CALB1: variants seen among roughly 807,000 people sequenced by gnomAD.
CALB1 encodes calbindin.
In CALB1, 16 loss-of-function variants were observed where a neutral mutation model predicts 46.7. That is an observed-to-expected ratio of 0.34 (90% confidence interval 0.23 to 0.52). The LOEUF is 0.52. CALB1 is among the 20% of genes least tolerant of loss of function. CALB1 has a pLI of 0.95. For missense variants in CALB1, 224 were observed against 300.3 expected (o/e 0.75, Z 1.88); for synonymous variants, 90 against 112.8 (o/e 0.80, Z 1.28).
chr8:90,081,876 T>C, intron 2 of CALB1, 150 bp downstream of exon 2: 1 of 629,700 alleles, frequency 1.6e-6, no homozygotes. Flanking sequence ...GTATTCGAGT[T>C]GGAAAAGTGT....
rs1287298662 is a variant in CALB1, at chr8:90,059,336, A to G, written c.*837T>C. 1 of 152,644 alleles carries G rather than the reference A, an allele frequency of 6.6e-6. No individual in the cohort carries two copies. The highest frequency in any genetic ancestry group is 1.9e-4 in the East Asian group (1 of 5,202). 9.5% of individuals were successfully genotyped at this position (152,644 alleles called of 1,614,324 possible). On this transcript the variant is annotated 3_prime_UTR_variant, in exon 11 of 11. Transcript: ENST00000265431. ...TTGGTGGAAATGAACAGTTCTACAT[A>G]GAAAGAAAATCCAGGAAGTATGCAA...
intron 3 of CALB1, among the ~76,000 whole-genome samples, chr8:90,073,349 C>G (rs1814567371): frequency 6.6e-6 from 1 of 152,112 alleles, no homozygotes; most frequent in Non-Finnish European, 1.5e-5. Flanking sequence ...GGGCTGAAGA[C>G]AGCTGTGTCC....
At chr8:90,081,219 C>A (rs933028699) in intron 2 of CALB1, among the ~76,000 whole-genome samples, 1 of 152,116 alleles carries the variant, frequency 6.6e-6, no homozygotes, top group Non-Finnish European at 1.5e-5. Context: ...GCTTAAATAA[C>A]GAACATAGCC....
intron 3 of CALB1, among the ~76,000 whole-genome samples, chr8:90,071,880 C>T (rs1224994369): frequency 6.6e-6 from 1 of 152,144 alleles, no homozygotes; most frequent in Non-Finnish European, 1.5e-5. Flanking sequence ...TTTTGCGTGA[C>T]CTTCCTCTAG....
chr8:90,077,584 A>C (rs1036752450), intron 3 of CALB1, among the ~76,000 whole-genome samples: 12 of 152,084 alleles, frequency 7.9e-5, no homozygotes, highest in African/African-American at 2.9e-4. Context: ...TGCTGAGATA[A>C]AGAAAGAGGC....
intron 2 of CALB1, among the ~76,000 whole-genome samples, chr8:90,080,258 C>A (rs913826534): frequency 6.6e-6 from 1 of 151,712 alleles, no homozygotes; most frequent in East Asian, 1.9e-4. Flanking sequence ...AATTCTAAAT[C>A]TCCAACATGA....
chr8:90,078,338 T>G, intron 3 of CALB1, 35 bp downstream of exon 3: 1 of 1,331,646 alleles, frequency 7.5e-7, no homozygotes, highest in Non-Finnish European at 1.1e-6. Flanking sequence ...ACTCATTTAT[T>G]AAAATTAAAT....
intron 6 of CALB1, chr8:90,064,165 A>G (rs984336276): frequency 4.6e-5 from 7 of 151,800 alleles, no homozygotes; most frequent in Admixed American, 2.0e-4. Context: ...AAAAATTAAC[A>G]TTATTTTTGT....
rs1034427033 is a variant in CALB1, at chr8:90,060,083, A to G, written c.*90T>C. ...TATCTATATGCAGTTAAATTTACAGATATAAAAGAAAATACAGCCTACTCC... is the reference window on the plus strand; with the variant it reads ...TATCTATATGCAGTTAAATTTACAGGTATAAAAGAAAATACAGCCTACTCC... On this transcript the variant is annotated 3_prime_UTR_variant, in exon 11 of 11. Transcript: ENST00000265431. 2 of 763,908 alleles carry G rather than the reference A, an allele frequency of 2.6e-6. No homozygotes were observed. The highest frequency in any genetic ancestry group is 1.9e-5 in the Admixed American group (1 of 52,278). The allele number at this position is 763,908 out of a possible 1,614,324, so 47.3% of individuals were successfully genotyped here. A position where few individuals can be genotyped will look rare whatever the true frequency, so the allele number is the denominator to read the frequency against.
At chr8:90,060,383 T>G (rs1736008943) in intron 10 of CALB1, 97 bp from the exon 11 acceptor site, 1 of 794,836 alleles carries the variant, frequency 1.3e-6, no homozygotes. Flanking sequence ...ACTTGTTACA[T>G]CAATCCATTA....
intron 9 of CALB1, 30 bp downstream of exon 9, chr8:90,063,067 TAAA>T: frequency 1.3e-6 from 2 of 1,528,624 alleles, no homozygotes; most frequent in Non-Finnish European, 1.8e-6. Context: ...CTTACTTCAA[TAAA>T]AAAGAAAGGA....
chr8:90,078,729 T>C (rs1191922773), intron 2 of CALB1, among the ~76,000 whole-genome samples: 1 of 152,048 alleles, frequency 6.6e-6, no homozygotes. Flanking sequence ...GTCAGAATCA[T>C]TCCATTCATA....
At chr8:90,079,668 AT>A (rs929400262) in intron 2 of CALB1, among the ~76,000 whole-genome samples, 1 of 152,002 alleles carries the variant, frequency 6.6e-6, no homozygotes, top group African/African-American at 2.4e-5. Context: ...GTCAAAATCT[AT>A]TTTTTAAACA....
In CALB1 at chr8:90,069,087, C is replaced by T. The variant is rs143235132; in HGVS notation, c.316-33G>A. The T allele has an allele frequency of 3.1e-4, 497 of 1,611,120 alleles. 3 individuals carry two copies. In the African/African-American group the frequency reaches 6.0e-3, roughly 19 times the overall value. On this transcript the variant is annotated intron_variant, in intron 4 of 10. Transcript: ENST00000265431. The stretch of plus-strand genomic sequence containing the variant: ...TAATTTTGGATAAGGAAAACAAACA[C>T]ATTTTTAATAAAAGGAACAATTTTC...
chr8:90,074,461 C>G (rs1814586326), intron 3 of CALB1, among the ~76,000 whole-genome samples: 1 of 152,168 alleles, frequency 6.6e-6, no homozygotes, highest in Non-Finnish European at 1.5e-5. Context: ...CTTAGAGACT[C>G]TGTCCCTTAC....
intron 3 of CALB1, among the ~76,000 whole-genome samples, chr8:90,076,722 C>T (rs1374301258): frequency 6.6e-6 from 1 of 151,924 alleles, no homozygotes; most frequent in African/African-American, 2.4e-5. Flanking sequence ...CTTCATTAAA[C>T]CTCCAGGACA....
intron 2 of CALB1, among the ~76,000 whole-genome samples, chr8:90,078,801 T>C (rs1814667215): frequency 6.6e-6 from 1 of 152,038 alleles, no homozygotes; most frequent in African/African-American, 2.4e-5. Context: ...GCTTGCTTCA[T>C]TAAAGATTAC....
At chr8:90,060,947 G>T in intron 9 of CALB1, 1 of 462,014 alleles carries the variant, frequency 2.2e-6, no homozygotes, top group East Asian at 4.0e-5. Context: ...ACTTACACAT[G>T]TAATTCACTT....
intron 3 of CALB1, among the ~76,000 whole-genome samples, chr8:90,072,706 C>T (rs1814554106): frequency 6.6e-6 from 1 of 152,066 alleles, no homozygotes; most frequent in South Asian, 2.1e-4. Context: ...TATAATGTGC[C>T]AAAGGTCTTT....
Sources: allele counts gnomAD v4.1 joint callset (sites outside exome capture counted in the v4.1 genomes callset), GRCh38; gene constraint gnomAD v4.1.1; transcripts MANE v1.5; gene names NCBI Gene and HGNC (gene_info 2026-07-23, HGNC 2026-07-21).